The following KCNK10 variants were observed in gnomAD, a reference collection of about 807,000 sequenced individuals.
KCNK10 encodes potassium two pore domain channel subfamily K member 10, also known as potassium channel subfamily K member 10.
In KCNK10, 25 loss-of-function variants were observed where a neutral mutation model predicts 47.7. That is an observed-to-expected ratio of 0.52 (90% CI 0.38 to 0.73). The LOEUF (loss-of-function observed/expected upper bound fraction) is 0.73. Among genes scored for constraint, KCNK10 ranks in the 30% least tolerant of loss-of-function variants. KCNK10 has a pLI of 0.00. For missense variants in KCNK10, 563 were observed against 714.5 expected, an observed-to-expected ratio of 0.79 and a Z score of 2.42; for synonymous variants, 303 against 285.6, an observed-to-expected ratio of 1.06 and a Z score of -0.61.
intron 1 of KCNK10, 107 bp from the exon 2 acceptor site, chr14:88,263,658 T>C (rs1887179212): frequency 7.8e-6 from 8 of 1,024,360 alleles, no homozygotes; most frequent in Non-Finnish European, 9.7e-6. Context: ...AGCTTTCAAA[T>C]GTGAGGATGA....
At chr14:88,208,890 G>C (rs144489497) in intron 4 of KCNK10, among the ~76,000 whole-genome samples, 4 of 152,268 alleles carry the variant, frequency 2.6e-5, no homozygotes, top group Non-Finnish European at 5.9e-5. Context: ...GGGACCTGGG[G>C]GTGGGGAGTG....
At chr14:88,259,540 T>C (rs1447317666) in intron 2 of KCNK10, among the ~76,000 whole-genome samples, 1 of 152,216 alleles carries the variant, frequency 6.6e-6, no homozygotes, top group Non-Finnish European at 1.5e-5. Context: ...CACTGCAGCC[T>C]TGACTTCCCG....
chr14:88,264,216 T>A (rs1007288459), intron 1 of KCNK10, among the ~76,000 whole-genome samples: 9 of 152,204 alleles, frequency 5.9e-5, no homozygotes, highest in Non-Finnish European at 1.5e-5. Flanking sequence ...CACATAGAAT[T>A]CTCTAAGGTC....
chr14:88,270,975 C>G (rs1887393290), intron 1 of KCNK10: 2 of 632,520 alleles, frequency 3.2e-6, no homozygotes, highest in African/African-American at 1.8e-5. Context: ...CACTGCCACG[C>G]CCCCACAAGC....
chr14:88,302,275 G>T (rs1242627600), intron 1 of KCNK10, among the ~76,000 whole-genome samples: 1 of 152,198 alleles, frequency 6.6e-6, no homozygotes, highest in Admixed American at 6.5e-5. Context: ...GATACAGAGG[G>T]ACTGCTGAGA....
At position 88,207,102 on chromosome 14, in the gene KCNK10, A is replaced by T. The variant is rs549086469; in HGVS notation, c.682-14692T>A. The stretch of plus-strand genomic sequence containing the variant: ...TCAAAATAATTGTACTTCAAAGCCT[A>T]AGAACTTTTTTTCCCCATTGCCATT... On this transcript the variant is annotated intron_variant, in intron 4 of 6. Coordinates refer to ENST00000319231, the MANE Select transcript of KCNK10 (RefSeq NM_138317.3). 1.2e-4 allele frequency among the ~76,000 whole-genome samples: 18 copies of T among 152,170 alleles called. 1 individual carries two copies. The highest frequency in any genetic ancestry group is 5.2e-4 in the Admixed American group (8 of 15,294).
chr14:88,185,574 C>G lies in KCNK10; in HGVS notation c.1593G>C (p.Arg531=). The change falls in exon 7 of 7, where the codon CGG becomes CGC. Residue 531 remains arginine (R), a synonymous_variant. Coordinates refer to ENST00000319231, the MANE Select transcript of KCNK10 (RefSeq NM_138317.3). The surrounding 1 kb of genome is among the most constrained non-coding windows in gnomAD (Gnocchi z 4.3). ...NGMIPTDTKD[R]EPENNSLLED... is the part of the protein sequence containing the mutation. ...CAAGTAATGAGTTGTTCTCCGGCTC[C>G]CGGTCTTTGGTGTCCGTGGGTATCA... 1.9e-6 allele frequency: 3 copies of G among 1,613,968 alleles called. No individual in the cohort carries two copies. The highest frequency in any genetic ancestry group is 2.5e-6 in the Non-Finnish European group (3 of 1,179,932).
At chr14:88,270,277 G>T (rs185574021) in intron 1 of KCNK10, among the ~76,000 whole-genome samples, 45 of 152,270 alleles carry the variant, frequency 3.0e-4, no homozygotes, top group Admixed American at 4.6e-4. Context: ...GATGAGGAGC[G>T]CAGGATTCCA....
chr14:88,263,637 T>G, intron 1 of KCNK10, 86 bp from the exon 2 acceptor site: 1 of 1,198,116 alleles, frequency 8.3e-7, no homozygotes, highest in Non-Finnish European at 1.1e-6. Flanking sequence ...CACAGATGTC[T>G]TCTTTGAGCC....
chr14:88,218,138 C>A (rs2025019), intron 4 of KCNK10, among the ~76,000 whole-genome samples: 1 of 151,996 alleles, frequency 6.6e-6, no homozygotes, highest in African/African-American at 2.4e-5. Flanking sequence ...TGATTACAGA[C>A]GTGGACCACT....
chr14:88,181,105 A>C lies in KCNK10; in HGVS notation c.*4430T>G, dbSNP rs551529475. ...CTTTCTCGTTTTACAGGGGCTCTGA[A>C]TGTTTGTTTTCCTACGCCTTTCCCG... On this transcript the variant is annotated 3_prime_UTR_variant, in exon 7 of 7. Transcript: ENST00000319231. The C allele has an allele frequency of 1.1e-4, 36 of 332,460 alleles. 1 individual carries two copies. The South Asian group carries it at 5.5e-3, about 51-fold the overall frequency. 20.6% of individuals were successfully genotyped at this position (332,460 alleles called of 1,614,324 possible). A position where few individuals can be genotyped will look rare whatever the true frequency, so the allele number is the denominator to read the frequency against.
rs1328285968 is a variant in KCNK10, at chr14:88,286,783, T to C, written c.53-23232A>G. 3.3e-5 allele frequency among the ~76,000 whole-genome samples: 5 copies of C among 152,082 alleles called. No individual in the cohort carries two copies. The South Asian group carries it at 6.2e-4, about 19-fold the overall frequency. ...GACTTATTCACTACCACGAGAACAG[T>C]ATGGGGGAACCGCCCCCATGATTCA... On this transcript the variant is annotated intron_variant, in intron 1 of 6. Transcript: ENST00000319231.
intron 1 of KCNK10, among the ~76,000 whole-genome samples, chr14:88,273,143 G>A (rs1298277887): frequency 6.6e-6 from 1 of 152,166 alleles, no homozygotes; most frequent in African/African-American, 2.4e-5. Context: ...AGAGGGAGAT[G>A]TAAAATGAGA....
At chr14:88,207,318 G>T (rs982707867) in intron 4 of KCNK10, among the ~76,000 whole-genome samples, 2 of 151,926 alleles carry the variant, frequency 1.3e-5, no homozygotes, top group African/African-American at 4.8e-5. Context: ...GACTACAGGG[G>T]CCCGCCATCG....
In KCNK10 at chr14:88,278,623, A is replaced by G. The variant is rs541944126; in HGVS notation, c.53-15072T>C. On this transcript the variant is annotated intron_variant, in intron 1 of 6. Transcript: ENST00000319231. ...AACACAAGAGAAAAACCGTTTTCCT[A>G]GATAGTTCAATCTAACCTTTGAGTT... 3.9e-5 allele frequency among the ~76,000 whole-genome samples: 6 copies of G among 152,358 alleles called. No individual in the cohort carries two copies. In the East Asian group the frequency reaches 9.6e-4, roughly 24 times the overall value.
At chr14:88,233,708 C>T (rs138162541) in intron 3 of KCNK10, among the ~76,000 whole-genome samples, 168 of 152,350 alleles carry the variant, frequency 1.1e-3, no homozygotes, top group African/African-American at 3.8e-3. Flanking sequence ...GCCACCATTC[C>T]TCAGTCACAT....
intron 1 of KCNK10, among the ~76,000 whole-genome samples, chr14:88,277,500 A>G (rs999712929): frequency 1.3e-5 from 2 of 152,204 alleles, no homozygotes; most frequent in African/African-American, 4.8e-5. Context: ...GGAAAAGGAT[A>G]CCCACATTAT....
intron 1 of KCNK10, among the ~76,000 whole-genome samples, chr14:88,268,970 T>C (rs1001288526): frequency 6.6e-5 from 10 of 152,102 alleles, no homozygotes; most frequent in African/African-American, 2.4e-4. Context: ...AAGCCCCAGC[T>C]CTACTAAAAA....
At chr14:88,295,215 A>G (rs1887962519) in intron 1 of KCNK10, among the ~76,000 whole-genome samples, 1 of 152,182 alleles carries the variant, frequency 6.6e-6, no homozygotes, top group South Asian at 2.1e-4. Context: ...TTGCTCTGTC[A>G]CCCTTGTGGG....
Sources: allele counts gnomAD v4.1 joint callset (sites outside exome capture counted in the v4.1 genomes callset), GRCh38; gene constraint gnomAD v4.1.1; non-coding constraint Gnocchi (gnomAD v3.1); transcripts MANE v1.5; gene names NCBI Gene and HGNC (gene_info 2026-07-23, HGNC 2026-07-21).